The following FREM2 variants were observed in gnomAD, a reference collection of about 807,000 sequenced individuals.
FREM2 encodes FRAS1 related extracellular matrix 2.
FREM2 carries 119 observed loss-of-function variants against 219.9 expected under a neutral mutation model. The observed-to-expected ratio is 0.54, with a 90% CI of 0.47 to 0.63. The LOEUF (loss-of-function observed/expected upper bound fraction) is 0.63, where lower values mean the gene tolerates loss of function less well. FREM2 is among the 30% of genes least tolerant of loss of function. The probability of loss-of-function intolerance (pLI) is 0.00; values close to 1 mark genes in which losing one functional copy is unlikely to be tolerated. For missense variants in FREM2, 4,030 were observed against 3,993.6 expected, an observed-to-expected ratio of 1.01 and a Z score of -0.25; for synonymous variants, 1,562 against 1,522.8, an observed-to-expected ratio of 1.03 and a Z score of -0.60.
At chr13:38,750,376 T>A (rs746084018) in intron 2 of FREM2, among the ~76,000 whole-genome samples, 10 of 152,184 alleles carry the variant, frequency 6.6e-5, no homozygotes, top group East Asian at 3.8e-4. Flanking sequence ...GATCCATGTG[T>A]TTTGTGTTTT....
chr13:38,770,144 A>G (rs1165347800), intron 4 of FREM2, among the ~76,000 whole-genome samples: 1 of 147,858 alleles, frequency 6.8e-6, no homozygotes, highest in African/African-American at 2.4e-5. Flanking sequence ...TTTTATGTAT[A>G]TAAATTATTT....
chr13:38,805,096 G>C (rs1250298436), intron 6 of FREM2, among the ~76,000 whole-genome samples: 1 of 152,044 alleles, frequency 6.6e-6, no homozygotes, highest in African/African-American at 2.4e-5. Flanking sequence ...AAAAATAAGA[G>C]TCATTGGCAG....
chr13:38,799,326 T>C (rs963065721), intron 6 of FREM2, among the ~76,000 whole-genome samples: 1 of 152,070 alleles, frequency 6.6e-6, no homozygotes, highest in Non-Finnish European at 1.5e-5. Flanking sequence ...TCTGAGCAGA[T>C]GCTTGATAAA....
chr13:38,691,693 A>G lies in FREM2; in HGVS notation c.4349A>G (p.Asn1450Ser). The change falls in exon 1 of 24, where the codon AAC becomes AGC. Residue 1450 changes from asparagine (N) to serine (S), a missense_variant. Asn to Ser is a conservative substitution (Grantham distance 46). Transcript: ENST00000280481. ...TTDLLSTSDL[N>S]SPDENLVFTI... ...GACCTACTAAGCACTAGTGACTTGA[A>G]CAGTCCTGATGAAAACTTGGTTTTT... 2.5e-6 allele frequency: 4 copies of G among 1,614,086 alleles called. No individual in the cohort carries two copies. Among genetic ancestry groups the G allele is most frequent in the Non-Finnish European group, 3.4e-6 (4 of 1,179,956 alleles).
chr13:38,792,549 G>A (rs1266841537), intron 6 of FREM2, among the ~76,000 whole-genome samples: 4 of 152,022 alleles, frequency 2.6e-5, no homozygotes, highest in Non-Finnish European at 4.4e-5. Context: ...ATTATTCTAT[G>A]TTATTTATTA....
intron 4 of FREM2, among the ~76,000 whole-genome samples, chr13:38,770,601 AC>A (rs1467668735): frequency 1.3e-5 from 2 of 152,204 alleles, no homozygotes; most frequent in Non-Finnish European, 2.9e-5. Context: ...TTATATATTT[AC>A]CAGCCAAAAA....
At chr13:38,784,923 TGTTTG>T in intron 6 of FREM2, 115 bp downstream of exon 6, 1 of 1,184,596 alleles carries the variant, frequency 8.4e-7, no homozygotes, top group South Asian at 1.5e-5. Flanking sequence ...ATTTATTTTA[TGTTTG>T]GTTTTTTCAT....
rs1332350371 is a variant in FREM2, at chr13:38,863,497, A to C, written c.7652-778A>C. Among the ~76,000 whole-genome samples the C allele has an allele frequency of 2.0e-5, 3 of 152,224 alleles. 1 individual carries two copies. Among genetic ancestry groups the C allele is most frequent in the Admixed American group, 2.0e-4 (3 of 15,274 alleles). The stretch of plus-strand genomic sequence containing the variant: ...ATTTATTCACTTATTTAAAAATTAC[A>C]AAAAGAAATACATTACATATTAACA... On this transcript the variant is annotated intron_variant, in intron 15 of 23. Transcript: ENST00000280481.
chr13:38,712,803 C>T (rs933026981), intron 2 of FREM2, among the ~76,000 whole-genome samples: 1 of 152,038 alleles, frequency 6.6e-6, no homozygotes, highest in Non-Finnish European at 1.5e-5. Context: ...CAAAATTAGC[C>T]TCTTAGGAAA....
At chr13:38,732,130 A>G (rs1871790918) in intron 2 of FREM2, among the ~76,000 whole-genome samples, 1 of 152,254 alleles carries the variant, frequency 6.6e-6, no homozygotes, top group Admixed American at 6.5e-5. Context: ...GTAAAGATGC[A>G]TAATGTCTAA....
At chr13:38,854,373 G>T (rs115784268) in intron 11 of FREM2, among the ~76,000 whole-genome samples, 1 of 151,990 alleles carries the variant, frequency 6.6e-6, no homozygotes, top group South Asian at 2.1e-4. Context: ...CAATGAAAAC[G>T]AGTAAACCAA....
At chr13:38,877,691 A>G (rs1280676450) in intron 21 of FREM2, among the ~76,000 whole-genome samples, 7 of 152,364 alleles carry the variant, frequency 4.6e-5, no homozygotes, top group African/African-American at 1.7e-4. Flanking sequence ...AGAATTGAAC[A>G]CCAGGGGGTT....
intron 8 of FREM2, among the ~76,000 whole-genome samples, chr13:38,849,735 T>A (rs1448243174): frequency 2.0e-5 from 3 of 152,228 alleles, no homozygotes; most frequent in Admixed American, 2.0e-4. Context: ...CAGGAAATTC[T>A]GAAAGGCTCA....
intron 6 of FREM2, among the ~76,000 whole-genome samples, chr13:38,813,908 T>A (rs1251970500): frequency 6.6e-6 from 1 of 151,972 alleles, no homozygotes; most frequent in African/African-American, 2.4e-5. Flanking sequence ...TTGTCTCTTC[T>A]GTGTATTTTC....
At chr13:38,812,441 TA>T (rs1427530028) in intron 6 of FREM2, among the ~76,000 whole-genome samples, 2 of 152,226 alleles carry the variant, frequency 1.3e-5, no homozygotes, top group Non-Finnish European at 2.9e-5. Flanking sequence ...TCTTGCTTTT[TA>T]TTTTTTGTGT....
chr13:38,708,144 C>T (rs1039764974), intron 2 of FREM2, among the ~76,000 whole-genome samples: 1 of 152,106 alleles, frequency 6.6e-6, no homozygotes, highest in Non-Finnish European at 1.5e-5. Flanking sequence ...GCCATTGACC[C>T]CCACTATAAT....
intron 15 of FREM2, among the ~76,000 whole-genome samples, chr13:38,863,669 A>G (rs1322543971): frequency 2.0e-5 from 3 of 152,178 alleles, no homozygotes; most frequent in Admixed American, 6.5e-5. Context: ...AATTTATCAT[A>G]TCTTGTAGTC....
At position 38,690,096 on chromosome 13, in the gene FREM2, G is replaced by A. The variant is rs1169369547; in HGVS notation, c.2752G>A (p.Val918Ile). Residue 918 changes from valine to isoleucine, a missense_variant, in exon 1 of 24, where the codon GTC becomes ATC. Physicochemically the swap from Val to Ile is conservative, Grantham distance 29. Coordinates refer to ENST00000280481, the MANE Select transcript of FREM2 (RefSeq NM_207361.6). ...KSLTDSCSLE[V>I]SDRHHVVPIT... ...CCTGACTGATAGCTGCTCCTTGGAA[G>A]TCAGTGACAGACATCATGTGGTGCC... 4 of 1,614,022 alleles carry A rather than the reference G, an allele frequency of 2.5e-6. No homozygotes were observed. Among genetic ancestry groups the A allele is most frequent in the South Asian group, 2.2e-5 (2 of 91,086 alleles).
chr13:38,731,158 AC>A (rs1240458289), intron 2 of FREM2, among the ~76,000 whole-genome samples: 1 of 152,226 alleles, frequency 6.6e-6, no homozygotes, highest in East Asian at 1.9e-4. Context: ...AACACTTCAG[AC>A]ATTGCAAAGT....
Sources: gnomAD v4.1 joint callset for allele counts (sites outside exome capture counted in the v4.1 genomes callset) on GRCh38, gnomAD v4.1.1 for gene constraint, MANE v1.5 for transcripts, NCBI Gene and HGNC (gene_info 2026-07-23, HGNC 2026-07-21) for gene names.